Variants in CERS6 observed in about 807,000 individuals in gnomAD.
CERS6 encodes ceramide synthase 6.
Under a neutral mutation model 56.8 loss-of-function variants are expected in CERS6, and 26 were observed. That is an observed-to-expected ratio of 0.46 (90% CI 0.34 to 0.63). The LOEUF is 0.63. Among genes scored for constraint, CERS6 ranks in the 30% least tolerant of loss-of-function variants. The pLI, the probability that CERS6 is intolerant of heterozygous loss-of-function variation, is 0.01. For missense variants in CERS6, 415 were observed against 467.5 expected (o/e 0.89, Z 1.04); for synonymous variants, 164 against 173.3 (o/e 0.95, Z 0.42).
intron 6 of CERS6, among the ~76,000 whole-genome samples, chr2:168,703,341 G>C (rs183126420): frequency 7.3e-4 from 111 of 152,300 alleles, no homozygotes; most frequent in African/African-American, 2.5e-3. Flanking sequence ...CGGATCACTT[G>C]AGGTCAGGAG....
intron 3 of CERS6, among the ~76,000 whole-genome samples, chr2:168,590,455 G>C (rs16855554): frequency 0.13 from 20,070 of 152,112 alleles, 2,527 homozygotes; most frequent in African/African-American, 0.33. Context: ...GGTAATTCTA[G>C]TGTATGTCAG....
chr2:168,528,538 T>C (rs1695109885), intron 1 of CERS6, among the ~76,000 whole-genome samples: 1 of 152,248 alleles, frequency 6.6e-6, no homozygotes, highest in Admixed American at 6.5e-5. Flanking sequence ...GACTAGATCC[T>C]GACCAATACT....
rs1034383174 is a variant in CERS6 at position 168,655,909 on chromosome 2, T to C, written c.465+24867T>C. On this transcript the variant is annotated intron_variant, in intron 4 of 9. Coordinates refer to ENST00000305747, the MANE Select transcript of CERS6 (RefSeq NM_203463.3). The stretch of plus-strand genomic sequence containing the variant: ...AAGAAACTGTGTGAGATGATAAATA[T>C]GTTAATCTGCTTCATTGTAGTAACC... Among the ~76,000 whole-genome samples, 7 of 152,370 alleles carry C rather than the reference T, an allele frequency of 4.6e-5. No homozygotes were observed. The South Asian group carries it at 8.3e-4, about 18-fold the overall frequency.
At chr2:168,644,250 T>C (rs1307155920) in intron 4 of CERS6, 1 of 957,706 alleles carries the variant, frequency 1.0e-6, no homozygotes. Flanking sequence ...GAACTGAGCA[T>C]GTGACTGAGG....
intron 3 of CERS6, among the ~76,000 whole-genome samples, chr2:168,600,190 T>TTCTCTCTC (rs10651781): frequency 0.088 from 12,140 of 137,860 alleles, 579 homozygotes; most frequent in Middle Eastern, 0.12. Flanking sequence ...ACTACCATAT[T>TTCTCTCTC]TCTCTCTCTC....
At chr2:168,520,329 C>T (rs1318557124) in intron 1 of CERS6, among the ~76,000 whole-genome samples, 1 of 151,942 alleles carries the variant, frequency 6.6e-6, no homozygotes, top group Non-Finnish European at 1.5e-5. Flanking sequence ...CTGGATATTA[C>T]TCCTTTGTTG....
intron 1 of CERS6, among the ~76,000 whole-genome samples, chr2:168,541,678 C>T (rs1164638415): frequency 1.3e-5 from 2 of 152,118 alleles, no homozygotes; most frequent in African/African-American, 4.8e-5. Flanking sequence ...TGTTAATAGG[C>T]AGTTTACTTA....
rs556382274 is a variant in CERS6 at position 168,497,279 on chromosome 2, A to G, written c.170+40661A>G. 2.6e-5 allele frequency among the ~76,000 whole-genome samples: 4 copies of G among 152,358 alleles called. No homozygotes were observed. In the South Asian group the frequency reaches 8.3e-4, roughly 32 times the overall value. On this transcript the variant is annotated intron_variant, in intron 1 of 9. Transcript: ENST00000305747. The stretch of plus-strand genomic sequence containing the variant: ...GAATTAACTTGGATTTTCAAATTCA[A>G]CAAATATTGACTGAGCACCTTCTGT...
intron 4 of CERS6, among the ~76,000 whole-genome samples, chr2:168,665,599 G>A (rs1374680096): frequency 6.6e-6 from 1 of 152,028 alleles, no homozygotes; most frequent in Non-Finnish European, 1.5e-5. Flanking sequence ...TTTCCAACAT[G>A]CTCATCACCT....
At chr2:168,637,905 A>G (rs1438200712) in intron 4 of CERS6, among the ~76,000 whole-genome samples, 1 of 152,160 alleles carries the variant, frequency 6.6e-6, no homozygotes, top group East Asian at 1.9e-4. Context: ...AAATAAAATT[A>G]ACTCTGAAAT....
At chr2:168,638,227 G>T (rs892274314) in intron 4 of CERS6, among the ~76,000 whole-genome samples, 1 of 151,948 alleles carries the variant, frequency 6.6e-6, no homozygotes, top group African/African-American at 2.4e-5. Flanking sequence ...TTTCAGACTG[G>T]GTATAGAAAT....
Position 168,561,246 on chromosome 2 carries a change from C to G in CERS6, c.331C>G (p.Arg111Gly), listed in dbSNP as rs1173624557. 6.2e-7 allele frequency: 1 copy of G among 1,614,020 alleles called. No homozygotes were observed. The highest frequency in any genetic ancestry group is 1.7e-4 in the Middle Eastern group (1 of 6,060). ...GLSKQLDWDV[R>G]SIQRWFRQRR... ...CTCCAAGCAACTGGACTGGGATGTT[C>G]GAAGCATTCAGCGCTGGTTTCGACA... Residue 111 changes from arginine to glycine, a missense_variant, in exon 3 of 10, where the codon CGA becomes GGA. Coordinates refer to ENST00000305747, the MANE Select transcript of CERS6 (RefSeq NM_203463.3).
rs1202230726 is a variant in CERS6, at chr2:168,695,043, A to C, written c.601A>C (p.Lys201Gln). The change falls in exon 6 of 10, where the codon AAA (lysine) becomes CAA (glutamine). Residue 201 changes from lysine to glutamine, a missense_variant. Coordinates refer to ENST00000305747, the MANE Select transcript of CERS6 (RefSeq NM_203463.3). ...SLMFSQFTDIKRKDFGIMFLH... is the reference protein window; with the variant it reads ...SLMFSQFTDIQRKDFGIMFLH... ...GATGTTTTCTCAGTTCACTGATATC[A>C]AAAGAAAGGTAAGAGCGGTTATGTC... is the stretch of plus-strand genomic sequence containing the variant. 18 of 1,612,176 alleles carry C rather than the reference A, an allele frequency of 1.1e-5. No individual in the cohort carries two copies. The highest frequency in any genetic ancestry group is 1.5e-5 in the Non-Finnish European group (18 of 1,178,528).
chr2:168,480,731 GT>G (rs1200087003), intron 1 of CERS6, among the ~76,000 whole-genome samples: 1 of 152,108 alleles, frequency 6.6e-6, no homozygotes, highest in Non-Finnish European at 1.5e-5. Flanking sequence ...CTTCTGCTGA[GT>G]TTTTTTGAAG....
chr2:168,582,575 G>GAA (rs201521972), intron 3 of CERS6, among the ~76,000 whole-genome samples: 3 of 149,448 alleles, frequency 2.0e-5, no homozygotes, highest in African/African-American at 4.9e-5. Context: ...ATCTAGTACT[G>GAA]AAAAAAAAAC....
intron 3 of CERS6, among the ~76,000 whole-genome samples, chr2:168,592,553 C>A (rs901356533): frequency 1.3e-5 from 2 of 152,010 alleles, no homozygotes; most frequent in Non-Finnish European, 2.9e-5. Flanking sequence ...TGGAGGCAGG[C>A]TGTTGGTGTG....
At chr2:168,682,500 T>C (rs1686244042) in intron 4 of CERS6, among the ~76,000 whole-genome samples, 1 of 152,166 alleles carries the variant, frequency 6.6e-6, no homozygotes, top group Non-Finnish European at 1.5e-5. Context: ...CTGTTAACAT[T>C]TCCGTAGCTC....
intron 1 of CERS6, among the ~76,000 whole-genome samples, chr2:168,504,673 C>G (rs112672231): frequency 1.3e-5 from 2 of 152,026 alleles, no homozygotes; most frequent in Non-Finnish European, 2.9e-5. Context: ...TGAGGTATAA[C>G]AATATTGTTA....
chr2:168,767,861 A>G (rs1354321888), intron 9 of CERS6, among the ~76,000 whole-genome samples: 1 of 152,120 alleles, frequency 6.6e-6, no homozygotes, highest in East Asian at 1.9e-4. Flanking sequence ...CCCCTAGAGA[A>G]TCACAGGAGG....
Sources: gnomAD v4.1 joint callset for allele counts (sites outside exome capture counted in the v4.1 genomes callset) on GRCh38, gnomAD v4.1.1 for gene constraint, MANE v1.5 for transcripts, NCBI Gene and HGNC (gene_info 2026-07-23, HGNC 2026-07-21) for gene names.